Variants in FBXO16 observed in about 807,000 individuals in gnomAD.
The protein encoded by FBXO16 is F-box protein 16.
In FBXO16, 31 loss-of-function variants were observed where a neutral mutation model predicts 41.0. That is an observed-to-expected ratio of 0.76 (90% CI 0.57 to 1.02). FBXO16 has a LOEUF of 1.02. Among genes scored for constraint, FBXO16 ranks in the 50% least tolerant of loss-of-function variants. The pLI is 0.00. For synonymous variants in FBXO16, 133 were observed against 117.8 expected, an observed-to-expected ratio of 1.13 and a Z score of -0.84; for missense variants, 361 against 346.2, an observed-to-expected ratio of 1.04 and a Z score of -0.34.
At chr8:28,429,590 G>GC (rs543737570) in intron 7 of FBXO16, among the ~76,000 whole-genome samples, 187 bp from the exon 8 acceptor site, 2 of 151,238 alleles carry the variant, frequency 1.3e-5, no homozygotes, top group South Asian at 2.1e-4. Flanking sequence ...CAAGCACAAT[G>GC]CCCCCCCGTT....
chr8:28,438,840 C>T (rs1487881521), intron 7 of FBXO16, among the ~76,000 whole-genome samples: 2 of 152,086 alleles, frequency 1.3e-5, no homozygotes, highest in East Asian at 3.8e-4. Context: ...TGGCTTATGC[C>T]TGTAATCCCA....
chr8:28,460,368 C>T (rs1309871845), intron 4 of FBXO16, among the ~76,000 whole-genome samples: 10 of 145,884 alleles, frequency 6.9e-5, no homozygotes, highest in Non-Finnish European at 1.2e-4. Context: ...ATCTTCCTGC[C>T]TTACTTAGCC....
At chr8:28,461,506 G>T (rs571549564) in intron 4 of FBXO16, among the ~76,000 whole-genome samples, 9 of 151,640 alleles carry the variant, frequency 5.9e-5, no homozygotes, top group Non-Finnish European at 8.8e-5. Flanking sequence ...TTCTTTTTCT[G>T]CAGATTACTT....
intron 5 of FBXO16, among the ~76,000 whole-genome samples, chr8:28,454,007 T>C (rs1317238728): frequency 6.6e-6 from 1 of 151,638 alleles, no homozygotes. Flanking sequence ...CTACGGAAAA[T>C]ACAAAAAAAT....
chr8:28,438,225 A>G (rs1802713420), intron 7 of FBXO16, among the ~76,000 whole-genome samples: 2 of 152,132 alleles, frequency 1.3e-5, no homozygotes, highest in Admixed American at 1.3e-4. Context: ...CTGAGGCATG[A>G]GAATTACTTG....
chr8:28,480,342 T>C (rs1486251212), intron 2 of FBXO16, among the ~76,000 whole-genome samples: 2 of 152,126 alleles, frequency 1.3e-5, no homozygotes, highest in Non-Finnish European at 2.9e-5. Flanking sequence ...ATGACGGCTT[T>C]GCCAAGGGAT....
At chr8:28,465,160 T>A (rs1282092129) in intron 3 of FBXO16, 1 of 158,996 alleles carries the variant, frequency 6.3e-6, no homozygotes, top group African/African-American at 2.4e-5. Flanking sequence ...ATATATTTTT[T>A]AATTAGTAGT....
chr8:28,479,066 C>T (rs1449177457), intron 2 of FBXO16, among the ~76,000 whole-genome samples: 1 of 152,156 alleles, frequency 6.6e-6, no homozygotes, highest in East Asian at 1.9e-4. Flanking sequence ...CGATGGAAAG[C>T]TCCTTGAGGC....
intron 5 of FBXO16, among the ~76,000 whole-genome samples, chr8:28,453,761 T>C (rs1022348046): frequency 3.3e-5 from 5 of 151,960 alleles, no homozygotes; most frequent in African/African-American, 1.2e-4. Flanking sequence ...TACTCAGTGT[T>C]GTAATTATTT....
chr8:28,465,981 C>T (rs776150075), intron 3 of FBXO16, among the ~76,000 whole-genome samples: 3 of 152,036 alleles, frequency 2.0e-5, no homozygotes, highest in East Asian at 1.9e-4. Context: ...ACATTAGAGG[C>T]GTGGTGGCTC....
chr8:28,483,542 G>A (rs567479986), intron 1 of FBXO16, 80 bp from the exon 2 acceptor site: 1 of 946,470 alleles, frequency 1.1e-6, no homozygotes, highest in African/African-American at 1.6e-5. Context: ...ATACCAGCCA[G>A]GCACGATGGC....
At chr8:28,439,745 C>CAA (rs397975845) in intron 7 of FBXO16, among the ~76,000 whole-genome samples, 2 of 134,596 alleles carry the variant, frequency 1.5e-5, no homozygotes, top group African/African-American at 2.7e-5. Flanking sequence ...GACCCTGTCT[C>CAA]AAAAAAAAAA....
chr8:28,463,546 G>A, intron 4 of FBXO16, 66 bp downstream of exon 4: 2 of 1,529,422 alleles, frequency 1.3e-6, no homozygotes, highest in Non-Finnish European at 1.8e-6. Flanking sequence ...TTAACTTCTA[G>A]TTTCAAGTTT....
intron 1 of FBXO16, among the ~76,000 whole-genome samples, chr8:28,487,687 G>A (rs527473647): frequency 1.8e-4 from 28 of 151,970 alleles, no homozygotes; most frequent in Non-Finnish European, 3.1e-4. Flanking sequence ...GAGCTGCTGC[G>A]CCCAGCTACA....
chr8:28,481,631 G>C (rs745431280), intron 2 of FBXO16, among the ~76,000 whole-genome samples: 1 of 152,006 alleles, frequency 6.6e-6, no homozygotes, highest in Non-Finnish European at 1.5e-5. Context: ...CCAACATCGT[G>C]AAACCCTGTC....
intron 8 of FBXO16, 61 bp from the exon 9 acceptor site, chr8:28,428,797 G>A (rs1802565481): frequency 7.0e-7 from 1 of 1,434,576 alleles, no homozygotes; most frequent in Non-Finnish European, 9.2e-7. Context: ...GAGCTATCTA[G>A]TTAAACTTAT....
chr8:28,444,305 T>C (rs189148359), intron 7 of FBXO16, among the ~76,000 whole-genome samples: 71 of 97,402 alleles, frequency 7.3e-4, no homozygotes, highest in Non-Finnish European at 6.7e-4. Context: ...ATTTCTTCTT[T>C]TTTTTTTTTT....
At chr8:28,470,779 G>C (rs1051605633) in intron 3 of FBXO16, among the ~76,000 whole-genome samples, 1 of 151,844 alleles carries the variant, frequency 6.6e-6, no homozygotes, top group Non-Finnish European at 1.5e-5. Flanking sequence ...TATTCTGTAG[G>C]GATATTTGTA....
intron 4 of FBXO16, among the ~76,000 whole-genome samples, chr8:28,459,009 A>G (rs1803082223): frequency 6.6e-6 from 1 of 152,198 alleles, no homozygotes; most frequent in African/African-American, 2.4e-5. Context: ...TGTCTTGCCC[A>G]TGGTCAGTAG....
Sources: allele counts gnomAD v4.1 joint callset (sites outside exome capture counted in the v4.1 genomes callset), GRCh38; gene constraint gnomAD v4.1.1; transcripts MANE v1.5; gene names NCBI Gene and HGNC (gene_info 2026-07-23, HGNC 2026-07-21).